CROCC: variants seen among roughly 807,000 people sequenced by gnomAD.
CROCC encodes ciliary rootlet coiled-coil, rootletin.
In CROCC, 180 loss-of-function variants were observed where a neutral mutation model predicts 245.2. That is an observed-to-expected ratio of 0.73 (90% confidence interval 0.65 to 0.83). CROCC has a LOEUF of 0.83. Among genes scored for constraint, CROCC ranks in the 40% least tolerant of loss-of-function variants. The probability of loss-of-function intolerance (pLI) is 0.00; values close to 1 mark genes in which losing one functional copy is unlikely to be tolerated. For synonymous variants in CROCC, 1,205 were observed against 1,241.6 expected, an observed-to-expected ratio of 0.97 and a Z score of 0.62; for missense variants, 2,688 against 2,779.4, an observed-to-expected ratio of 0.97 and a Z score of 0.74.
rs768304884 is a variant in CROCC at position 16,965,995 on chromosome 1, A to G, written c.4576-4A>G. The stretch of plus-strand genomic sequence containing the variant: ...GTCTTTGTTCCCCCATGTCGGGGCT[A>G]CAGGACGAACTTCGGACCCAGACCA... On this transcript the variant is annotated splice_region_variant and splice_polypyrimidine_tract_variant and intron_variant, in intron 28 of 36. Coordinates refer to ENST00000375541, the MANE Select transcript of CROCC (RefSeq NM_014675.5). 6.2e-7 allele frequency: 1 copy of G among 1,611,814 alleles called. No homozygotes were observed. Among genetic ancestry groups the G allele is most frequent in the African/African-American group, 1.3e-5 (1 of 75,030 alleles).
chr1:16,958,743 G>T lies in CROCC; in HGVS notation c.4025G>T (p.Arg1342Leu). The T allele has an allele frequency of 1.3e-6, 2 of 1,559,214 alleles. No homozygotes were observed. The highest frequency in any genetic ancestry group is 1.7e-6 in the Non-Finnish European group (2 of 1,152,132). Residue 1342 changes from arginine to leucine, a missense_variant, in exon 26 of 37, where the codon CGG (arginine) becomes CTG (leucine). Arg to Leu is a moderately radical substitution (Grantham distance 102, BLOSUM62 -2). This residue lies in a region of CROCC where 1,218 missense variants were observed against 1,286.3 expected (regional missense o/e 0.95). Coordinates refer to ENST00000375541, the MANE Select transcript of CROCC (RefSeq NM_014675.5). ...LKGEASLEVM[R>L]QELQVAQRKL... ...GGCGAGGCCAGCCTGGAGGTGATGC[G>T]GCAGGAGGTAACTGAGCAGGCGGGC... is the stretch of plus-strand genomic sequence containing the variant.
At chr1:16,930,696 A>AGGGAGCACTCTCC in intron 7 of CROCC, 102 bp downstream of exon 7, 1 of 610,452 alleles carries the variant, frequency 1.6e-6, no homozygotes. Context: ...AGCACTGTCC[A>AGGGAGCACTCTCC]AGGGAGCCTG....
At chr1:16,926,047 C>T (rs780595238) in intron 3 of CROCC, among the ~76,000 whole-genome samples, 249 of 152,310 alleles carry the variant, frequency 1.6e-3, no homozygotes, top group African/African-American at 5.4e-3. Context: ...TAGCAGGTTC[C>T]TCCTCTGCTG....
intron 15 of CROCC, 150 bp downstream of exon 15, chr1:16,945,756 T>G: frequency 2.1e-6 from 2 of 939,458 alleles, no homozygotes; most frequent in Non-Finnish European, 3.2e-6. Flanking sequence ...GGCTGATCTT[T>G]GTCACAGGCC....
chr1:16,922,583 T>C (rs1204034468), intron 1 of CROCC, 80 bp from the exon 2 acceptor site: 1 of 1,511,526 alleles, frequency 6.6e-7, no homozygotes, highest in Non-Finnish European at 8.9e-7. Flanking sequence ...TCTTGGGCAG[T>C]AGGATTCTGT....
Position 16,936,634 on chromosome 1 carries a change from A to G in CROCC, c.957-3A>G. On this transcript the variant is annotated splice_region_variant and splice_polypyrimidine_tract_variant and intron_variant, in intron 8 of 36. Coordinates refer to ENST00000375541, the MANE Select transcript of CROCC (RefSeq NM_014675.5). ...CATCCCCAGCCTGTGCTCTCTCCCG[A>G]AGGGACCTGCTGCAGCTGGGAGGGG... 1 of 1,586,024 alleles carries G rather than the reference A, an allele frequency of 6.3e-7. No homozygotes were observed. The highest frequency in any genetic ancestry group is 8.6e-7 in the Non-Finnish European group (1 of 1,165,464).
At chr1:16,943,394 C>T (rs577669748) in intron 13 of CROCC, among the ~76,000 whole-genome samples, 34 of 152,338 alleles carry the variant, frequency 2.2e-4, no homozygotes, top group African/African-American at 6.0e-4. Context: ...ACAAATTACC[C>T]GGACATGGTG....
upstream of CROCC, among the ~76,000 whole-genome samples, chr1:16,918,831 G>T (rs1213322832): frequency 6.6e-6 from 1 of 151,174 alleles, no homozygotes; most frequent in African/African-American, 2.4e-5. Context: ...CTGCCTCCCA[G>T]TTTCAAGTGA....
chr1:16,941,929 T>G (rs1418900582), intron 13 of CROCC, among the ~76,000 whole-genome samples: 2 of 152,250 alleles, frequency 1.3e-5, no homozygotes, highest in African/African-American at 2.4e-5. Flanking sequence ...CTCAAACTCC[T>G]GGCCTCAAGT....
At chr1:16,946,685 T>G in intron 16 of CROCC, 76 bp from the exon 17 acceptor site, 1 of 1,418,964 alleles carries the variant, frequency 7.0e-7, no homozygotes, top group Non-Finnish European at 9.7e-7. Flanking sequence ...TTGTTGCTGG[T>G]GGGTGGGTGG....
At chr1:16,970,189 C>T (rs2076491113) in intron 33 of CROCC, 64 bp from the exon 34 acceptor site, 4 of 1,447,640 alleles carry the variant, frequency 2.8e-6, no homozygotes, top group African/African-American at 1.4e-5. Flanking sequence ...CTCATTGTCC[C>T]CAAGCTTCAG....
At position 16,929,936 on chromosome 1, in the gene CROCC, C is replaced by A; in HGVS notation, c.442C>A (p.Leu148Met). 6.3e-7 allele frequency: 1 copy of A among 1,588,016 alleles called. No individual in the cohort carries two copies. Among genetic ancestry groups the A allele is most frequent in the South Asian group, 1.1e-5 (1 of 87,252 alleles). Residue 148 changes from leucine (L) to methionine (M), a missense_variant, in exon 4 of 37, where the codon CTG (leucine) becomes ATG (methionine). By Grantham distance (15) the Leu-to-Met change is conservative (BLOSUM62 2). This residue lies in a region of CROCC where 972 missense variants were observed against 895.3 expected (regional missense o/e 1.09). Transcript: ENST00000375541. ...GCAGAGCGTGGAGTTGCGGAGGCAG[C>A]TGCAGGAGGAGCAGGCCTCCTACCG... ...VRQSVELRRQ[L>M]QEEQASYRRK...
upstream of CROCC, among the ~76,000 whole-genome samples, chr1:16,920,718 G>A (rs1398633627): frequency 2.0e-5 from 3 of 150,994 alleles, no homozygotes; most frequent in Non-Finnish European, 4.4e-5. Context: ...TGGGTCTCAG[G>A]GCCCTGGGAT....
In CROCC at chr1:16,939,135, AGGTCCAGGTAG is replaced by A; in HGVS notation, c.1603_1608+5del. 6.7e-7 allele frequency: 1 copy of A among 1,499,558 alleles called. No homozygotes were observed. Among genetic ancestry groups the A allele is most frequent in the African/African-American group, 1.4e-5 (1 of 69,848 alleles). 92.9% of individuals were successfully genotyped at this position (1,499,558 alleles called of 1,614,324 possible). A position where few individuals can be genotyped will look rare whatever the true frequency, so the allele number is the denominator to read the frequency against. ...TCCGCCCTGCACAAGCGCCAGCTGC[AGGTCCAGGTAG>A]GAAGGGGCTTGAGCGTTCTGGGCGC... On this transcript the variant is annotated splice_donor_variant and splice_donor_region_variant and coding_sequence_variant and intron_variant, in exon 12 of 37. Transcript: ENST00000375541. LOFTEE classifies it high-confidence loss of function.
intron 8 of CROCC, among the ~76,000 whole-genome samples, chr1:16,935,666 C>T (rs71644020): frequency 4.6e-5 from 7 of 152,282 alleles, no homozygotes; most frequent in Admixed American, 1.3e-4. Context: ...CCTCGTGATC[C>T]GCCCTCCTCG....
At chr1:16,956,623 AAAC>A (rs1383915138) in intron 25 of CROCC, among the ~76,000 whole-genome samples, 3 of 152,164 alleles carry the variant, frequency 2.0e-5, no homozygotes, top group Non-Finnish European at 4.4e-5. Flanking sequence ...GGTTCCAGTA[AAAC>A]TTTGTTTAGG....
At chr1:16,960,121 G>C (rs1230372610) in intron 26 of CROCC, among the ~76,000 whole-genome samples, 5 of 152,092 alleles carry the variant, frequency 3.3e-5, no homozygotes, top group African/African-American at 1.2e-4. Context: ...ACAAAAATTA[G>C]CTGGGCATGG....
intron 8 of CROCC, among the ~76,000 whole-genome samples, chr1:16,931,921 TA>T (rs1471458811): frequency 1.3e-5 from 2 of 148,370 alleles, no homozygotes; most frequent in Admixed American, 1.4e-4. Flanking sequence ...CACACCCAGC[TA>T]ATTTTTTTTT....
At chr1:16,938,738 C>T (rs2075848068) in intron 11 of CROCC, among the ~76,000 whole-genome samples, 171 bp from the exon 12 acceptor site, 1 of 152,294 alleles carries the variant, frequency 6.6e-6, no homozygotes, top group Non-Finnish European at 1.5e-5. Context: ...TGGGAGGCCT[C>T]AGCGGCGAGC....
Sources: gnomAD v4.1 joint callset for allele counts (sites outside exome capture counted in the v4.1 genomes callset) on GRCh38, gnomAD v4.1.1 for gene constraint, gnomAD v4.1.1 regional missense constraint, MANE v1.5 for transcripts, NCBI Gene and HGNC (gene_info 2026-07-23, HGNC 2026-07-21) for gene names.